DISC1: variants seen among roughly 807,000 people sequenced by gnomAD.
DISC1 encodes the protein disrupted in schizophrenia 1 protein.
Under a neutral mutation model 84.5 loss-of-function variants are expected in DISC1, and 57 were observed. That is an observed-to-expected ratio of 0.67 (90% CI 0.55 to 0.84). DISC1 has a LOEUF of 0.84. Among genes scored for constraint, DISC1 ranks in the 40% least tolerant of loss-of-function variants. DISC1 has a pLI of 0.00. For missense variants in DISC1, 1,000 were observed against 1,057.8 expected (o/e 0.95, Z 0.76); for synonymous variants, 411 against 415.2 (o/e 0.99, Z 0.12).
rs562335660 is a variant in DISC1, at chr1:231,857,608, C to T, written c.1981+39091C>T. 1.3e-5 allele frequency among the ~76,000 whole-genome samples: 2 copies of T among 152,216 alleles called. 1 individual carries two copies. The highest frequency in any genetic ancestry group is 1.3e-4 in the Admixed American group (2 of 15,278). On this transcript the variant is annotated intron_variant, in intron 9 of 12. Transcript: ENST00000439617. ...TTTTTGTGATGCTGGGATTTTATAACTAACACAGGCAAACAATAACCTAGA... is the reference window on the plus strand; with the variant it reads ...TTTTTGTGATGCTGGGATTTTATAATTAACACAGGCAAACAATAACCTAGA...
At chr1:231,975,811 A>G (rs1199957828) in intron 10 of DISC1, among the ~76,000 whole-genome samples, 1 of 152,168 alleles carries the variant, frequency 6.6e-6, no homozygotes, top group East Asian at 1.9e-4. Flanking sequence ...ATGATAGACG[A>G]TGGAGATTTG....
intron 1 of DISC1, among the ~76,000 whole-genome samples, chr1:231,689,629 G>A (rs191195557): frequency 2.0e-5 from 3 of 152,130 alleles, no homozygotes; most frequent in Non-Finnish European, 2.9e-5. Context: ...ACTGCTCCAG[G>A]AAAAAAACTG....
chr1:231,749,788 C>G, intron 3 of DISC1, 138 bp from the exon 4 acceptor site: 1 of 1,098,328 alleles, frequency 9.1e-7, no homozygotes. Context: ...GATGAAAGTG[C>G]TGGCCTAGAA....
At chr1:231,881,442 T>C (rs939568488) in intron 9 of DISC1, among the ~76,000 whole-genome samples, 2 of 152,186 alleles carry the variant, frequency 1.3e-5, no homozygotes, top group Non-Finnish European at 2.9e-5. Flanking sequence ...TCTGTATCTG[T>C]ATTAGTGTCC....
chr1:231,898,848 G>A (rs1324753980), intron 9 of DISC1, among the ~76,000 whole-genome samples: 1 of 152,026 alleles, frequency 6.6e-6, no homozygotes, highest in South Asian at 2.1e-4. Context: ...TATGAGAATC[G>A]CTTGAACCCA....
intron 6 of DISC1, among the ~76,000 whole-genome samples, chr1:231,790,446 C>G (rs905922222): frequency 6.6e-6 from 1 of 152,086 alleles, no homozygotes; most frequent in Non-Finnish European, 1.5e-5. Flanking sequence ...GGCTTGCAGA[C>G]AGCTGTCTTC....
intron 9 of DISC1, among the ~76,000 whole-genome samples, chr1:231,883,134 G>T (rs940149078): frequency 3.4e-4 from 52 of 152,226 alleles, no homozygotes; most frequent in African/African-American, 1.2e-3. Flanking sequence ...AACAGATTTG[G>T]TTGCTGAGAT....
Position 232,036,695 on chromosome 1 carries a change from C to G in DISC1, c.2429C>G (p.Ser810Cys), listed in dbSNP as rs1411018136. ...IHSHDEDLIQ[S>C]LRRELQMVKE... ...TGCTCCTTAACAATGTGCCCACAGT[C>G]TCTCAGGAGGGAGCTCCAGATGGTG... The change falls in exon 13 of 13, where the codon TCT becomes TGT. Residue 810 changes from serine to cysteine, a missense_variant. By Grantham distance (112) the Ser-to-Cys change is moderately radical. This residue lies in a region of DISC1 where 397 missense variants were observed against 377.5 expected (regional missense o/e 1.05). Coordinates refer to ENST00000439617, the MANE Select transcript of DISC1 (RefSeq NM_018662.3). 2 of 1,593,412 alleles carry G rather than the reference C, an allele frequency of 1.3e-6. No individual in the cohort carries two copies.
intron 11 of DISC1, among the ~76,000 whole-genome samples, chr1:232,021,213 T>G (rs1169100484): frequency 6.6e-6 from 1 of 152,186 alleles, no homozygotes; most frequent in East Asian, 1.9e-4. Context: ...AAAGAGCCAC[T>G]TCTCCCAAAG....
intron 9 of DISC1, among the ~76,000 whole-genome samples, chr1:231,829,540 C>T (rs564147834): frequency 2.6e-5 from 4 of 152,134 alleles, no homozygotes; most frequent in Middle Eastern, 3.4e-3. Context: ...TTGGTAGAGA[C>T]GGGATTATGC....
At chr1:231,884,648 G>T (rs1250272831) in intron 9 of DISC1, among the ~76,000 whole-genome samples, 1 of 152,114 alleles carries the variant, frequency 6.6e-6, no homozygotes, top group Non-Finnish European at 1.5e-5. Flanking sequence ...GAGATTGGAG[G>T]GTGGGAGGAG....
intron 11 of DISC1, among the ~76,000 whole-genome samples, chr1:232,023,379 C>A (rs1007139300): frequency 6.6e-6 from 1 of 152,070 alleles, no homozygotes; most frequent in South Asian, 2.1e-4. Flanking sequence ...CATGAAAAAT[C>A]TTTTATTTCT....
At position 231,864,480 on chromosome 1, in the gene DISC1, A is replaced by G. The variant is rs539907355; in HGVS notation, c.1981+45963A>G. On this transcript the variant is annotated intron_variant, in intron 9 of 12. Coordinates refer to ENST00000439617, the MANE Select transcript of DISC1 (RefSeq NM_018662.3). ...AGATTGAGACCATCCTGGCTAACAC[A>G]GTGAAACCCCGTCTCTATTAAAAAT... is the stretch of plus-strand genomic sequence containing the variant. 8.5e-4 allele frequency among the ~76,000 whole-genome samples: 130 copies of G among 152,194 alleles called. 2 individuals are homozygous for G. Among genetic ancestry groups the G allele is most frequent in the African/African-American group, 3.1e-3 (128 of 41,504 alleles).
intron 1 of DISC1, among the ~76,000 whole-genome samples, chr1:231,693,082 A>G (rs926455605): frequency 2.6e-5 from 4 of 152,238 alleles, no homozygotes; most frequent in South Asian, 4.1e-4. Context: ...CTGATGGGGA[A>G]ACTGAGGCAC....
At chr1:231,937,742 G>A (rs932078096) in intron 9 of DISC1, among the ~76,000 whole-genome samples, 2 of 152,142 alleles carry the variant, frequency 1.3e-5, no homozygotes, top group South Asian at 2.1e-4. Context: ...ACCCGGCTTC[G>A]ATGGGGTGGG....
chr1:231,767,346 AG>A (rs1405230322), intron 5 of DISC1, 77 bp downstream of exon 5: 3 of 1,574,164 alleles, frequency 1.9e-6, no homozygotes, highest in Non-Finnish European at 2.6e-6. Context: ...TCTGTTGCCT[AG>A]GTTGGAGGGC....
chr1:231,826,982 T>C lies in DISC1; in HGVS notation c.1981+8465T>C, dbSNP rs2081899851. ...CTTTTGAGTGAGTTTTGAACTTTAG[T>C]TAAATAAAACAACTTTTTTTTTTTG... is the stretch of plus-strand genomic sequence containing the variant. On this transcript the variant is annotated intron_variant, in intron 9 of 12. Coordinates refer to ENST00000439617, the MANE Select transcript of DISC1 (RefSeq NM_018662.3). This position sits in a 1 kb window ranked among gnomAD's most constrained non-coding sequence, Gnocchi z 4.2. Among the ~76,000 whole-genome samples the C allele has an allele frequency of 6.6e-6, 1 of 152,250 alleles. No homozygotes were observed. Among genetic ancestry groups the C allele is most frequent in the Admixed American group, 6.5e-5 (1 of 15,284 alleles).
intron 2 of DISC1, among the ~76,000 whole-genome samples, chr1:231,695,626 CGTGTGTGT>C (rs74987968): frequency 6.6e-6 from 1 of 150,700 alleles, no homozygotes; most frequent in South Asian, 2.1e-4. Context: ...CCTGTGTGTG[CGTGTGTGT>C]GTGTGCATGT....
chr1:231,927,621 G>C (rs957337384), intron 9 of DISC1, among the ~76,000 whole-genome samples: 20 of 152,120 alleles, frequency 1.3e-4, no homozygotes, highest in African/African-American at 4.1e-4. Context: ...CTATTTATGG[G>C]TAACCATGCT....
Sources: allele counts gnomAD v4.1 joint callset (sites outside exome capture counted in the v4.1 genomes callset), GRCh38; gene constraint gnomAD v4.1.1; regional missense constraint gnomAD v4.1.1; non-coding constraint Gnocchi (gnomAD v3.1); transcripts MANE v1.5; gene names NCBI Gene and HGNC (gene_info 2026-07-23, HGNC 2026-07-21).